Variants in MAGI3 observed in about 807,000 individuals in gnomAD.
MAGI3 encodes membrane-associated guanylate kinase, WW and PDZ domain-containing protein 3.
MAGI3 carries 43 observed loss-of-function variants against 121.8 expected under a neutral mutation model. The observed-to-expected ratio is 0.35, with a 90% confidence interval of 0.28 to 0.46. The LOEUF (loss-of-function observed/expected upper bound fraction) is 0.46, where lower values mean the gene tolerates loss of function less well. MAGI3 is among the 20% of genes least tolerant of loss of function. The pLI is 1.00. For missense variants in MAGI3, 1,547 were observed against 1,797.3 expected, an observed-to-expected ratio of 0.86 and a Z score of 2.52; for synonymous variants, 553 against 639.3, an observed-to-expected ratio of 0.86 and a Z score of 2.04.
At chr1:113,552,032 A>G (rs908596983) in intron 2 of MAGI3, among the ~76,000 whole-genome samples, 1 of 152,038 alleles carries the variant, frequency 6.6e-6, no homozygotes, top group African/African-American at 2.4e-5. Flanking sequence ...AATGTATCCC[A>G]CACTTTGCTG....
chr1:113,641,242 AATGC>A (rs1172531443), intron 9 of MAGI3, among the ~76,000 whole-genome samples: 1 of 148,526 alleles, frequency 6.7e-6, no homozygotes, highest in Non-Finnish European at 1.5e-5. Flanking sequence ...ATTCTTGCTG[AATGC>A]AGGCTGAGGT....
intron 1 of MAGI3, among the ~76,000 whole-genome samples, chr1:113,487,654 A>T (rs1416777509): frequency 6.6e-6 from 1 of 152,124 alleles, no homozygotes; most frequent in Non-Finnish European, 1.5e-5. Flanking sequence ...ATTGAAAATA[A>T]TACATTATAA....
In MAGI3 at chr1:113,681,425, A is replaced by G. The variant is rs980117454; in HGVS notation, c.3328+89A>G. On this transcript the variant is annotated intron_variant, in intron 20 of 20. Coordinates refer to ENST00000307546, the MANE Select transcript of MAGI3 (RefSeq NM_001142782.2). ...GAATATATATTTGGAGAGGATAGATATTTTACTAGTTAATTCAGAGGTGAA... is the reference window on the plus strand; with the variant it reads ...GAATATATATTTGGAGAGGATAGATGTTTTACTAGTTAATTCAGAGGTGAA... 4 of 1,389,056 alleles carry G rather than the reference A, an allele frequency of 2.9e-6. No homozygotes were observed. The South Asian group carries it at 5.7e-5, about 20-fold the overall frequency. The allele number at this position is 1,389,056 out of a possible 1,614,324, so 86.0% of individuals were successfully genotyped here.
intron 1 of MAGI3, among the ~76,000 whole-genome samples, chr1:113,529,654 C>CTATG (rs1191738780): frequency 6.6e-6 from 1 of 152,034 alleles, no homozygotes; most frequent in African/African-American, 2.4e-5. Flanking sequence ...ATCTTGTACT[C>CTATG]CATAGAGGCA....
intron 1 of MAGI3, among the ~76,000 whole-genome samples, chr1:113,456,262 G>A (rs1654752636): frequency 6.6e-6 from 1 of 151,610 alleles, no homozygotes; most frequent in African/African-American, 2.4e-5. Flanking sequence ...ACCACGCCCG[G>A]CCCCATTTTT....
In MAGI3 at chr1:113,527,387, A is replaced by T. The variant is rs542042235; in HGVS notation, c.317-22128A>T. 9.8e-5 allele frequency among the ~76,000 whole-genome samples: 15 copies of T among 152,330 alleles called. No individual in the cohort carries two copies. The South Asian group carries it at 3.1e-3, about 32-fold the overall frequency. ...GGATATCAGTTTGAAAATTACTAGA[A>T]TATAGGTGATAATTAAGCTGTGGAA... On this transcript the variant is annotated intron_variant, in intron 1 of 20. Transcript: ENST00000307546.
intron 1 of MAGI3, among the ~76,000 whole-genome samples, chr1:113,402,421 T>G (rs1462314062): frequency 6.6e-6 from 1 of 152,212 alleles, no homozygotes; most frequent in Non-Finnish European, 1.5e-5. Context: ...AATAGCTGAA[T>G]AGTTAAGTAT....
chr1:113,655,622 A>G (rs537834558), intron 15 of MAGI3, among the ~76,000 whole-genome samples: 59 of 152,062 alleles, frequency 3.9e-4, no homozygotes, highest in Non-Finnish European at 7.4e-4. Flanking sequence ...GGTTTTACCT[A>G]TGGAGATACT....
At chr1:113,466,790 G>T in intron 1 of MAGI3, among the ~76,000 whole-genome samples, 1 of 151,894 alleles carries the variant, frequency 6.6e-6, no homozygotes, top group Non-Finnish European at 1.5e-5. Flanking sequence ...TATTTCTGTG[G>T]TCTGAGTTGT....
chr1:113,440,432 T>G (rs1653853790), intron 1 of MAGI3, among the ~76,000 whole-genome samples: 1 of 152,212 alleles, frequency 6.6e-6, no homozygotes. Context: ...AGGTGTTACA[T>G]TTAAAGCAGA....
In MAGI3 at chr1:113,391,333, C is replaced by G. The variant is rs1476677109; in HGVS notation, c.300C>G (p.Leu100=). ...GCCACTTCCGCGAGCCCATCCGTCT[C>G]AAGACTGTGAAACCAGGTACGCCGG... ...VIRHFREPIR[L]KTVKPGKVIN... Residue 100 remains leucine (L), a synonymous_variant, in exon 1 of 21, where the codon CTC becomes CTG. Transcript: ENST00000307546. This position sits in a 1 kb window ranked among gnomAD's most constrained non-coding sequence, Gnocchi z 4.4. 1.3e-6 allele frequency: 2 copies of G among 1,596,998 alleles called. No individual in the cohort carries two copies. Among genetic ancestry groups the G allele is most frequent in the African/African-American group, 1.3e-5 (1 of 74,398 alleles).
At chr1:113,506,786 GC>G (rs934429336) in intron 1 of MAGI3, among the ~76,000 whole-genome samples, 4 of 152,104 alleles carry the variant, frequency 2.6e-5, no homozygotes, top group African/African-American at 9.7e-5. Flanking sequence ...GAAAGAGGGT[GC>G]TTTTAAAGGG....
intron 1 of MAGI3, among the ~76,000 whole-genome samples, chr1:113,470,741 C>T (rs1489763094): frequency 6.6e-6 from 1 of 152,144 alleles, no homozygotes; most frequent in Non-Finnish European, 1.5e-5. Context: ...CCATTCTACT[C>T]TCTGCTTCTG....
chr1:113,681,595 G>A (rs1421189661), intron 20 of MAGI3, among the ~76,000 whole-genome samples: 1 of 152,170 alleles, frequency 6.6e-6, no homozygotes, highest in Non-Finnish European at 1.5e-5. Flanking sequence ...GTAGAGAAAT[G>A]TACCTATTAA....
chr1:113,483,233 C>T (rs969799778), intron 1 of MAGI3, among the ~76,000 whole-genome samples: 2 of 152,152 alleles, frequency 1.3e-5, no homozygotes, highest in Admixed American at 1.3e-4. Flanking sequence ...TGGGATCTAT[C>T]CGTAGTAACT....
chr1:113,606,693 T>C (rs1649795279), intron 6 of MAGI3, among the ~76,000 whole-genome samples: 1 of 152,170 alleles, frequency 6.6e-6, no homozygotes, highest in Non-Finnish European at 1.5e-5. Flanking sequence ...TTGACATCTT[T>C]CTCCTAATAC....
At position 113,651,267 on chromosome 1, in the gene MAGI3, C is replaced by T. The variant is rs1300773368; in HGVS notation, c.2440+61C>T. 20 of 1,467,764 alleles carry T rather than the reference C, an allele frequency of 1.4e-5. No individual in the cohort carries two copies. The Admixed American group carries it at 4.8e-4, about 35-fold the overall frequency. The allele number at this position is 1,467,764 out of a possible 1,614,324, so 90.9% of individuals were successfully genotyped here. A position where few individuals can be genotyped will look rare whatever the true frequency, so the allele number is the denominator to read the frequency against. On this transcript the variant is annotated intron_variant, in intron 14 of 20. Transcript: ENST00000307546. ...AAGAAACAAAGATACTAGTCTACTT[C>T]CTGTGTAGTTTTGCAGGTTATTTTA...
chr1:113,667,731 A>G (rs184482349), intron 16 of MAGI3, among the ~76,000 whole-genome samples: 97 of 152,312 alleles, frequency 6.4e-4, no homozygotes, highest in African/African-American at 2.2e-3. Context: ...CTTCCTCACT[A>G]AGCTTAATCA....
At chr1:113,469,762 G>A (rs1655456608) in intron 1 of MAGI3, among the ~76,000 whole-genome samples, 1 of 152,030 alleles carries the variant, frequency 6.6e-6, no homozygotes, top group East Asian at 1.9e-4. Context: ...TTGGGATGAA[G>A]CAAAAAGGCA....
Sources: gnomAD v4.1 joint callset for allele counts (sites outside exome capture counted in the v4.1 genomes callset) on GRCh38, gnomAD v4.1.1 for gene constraint, Gnocchi (gnomAD v3.1) non-coding constraint, MANE v1.5 for transcripts, NCBI Gene and HGNC (gene_info 2026-07-23, HGNC 2026-07-21) for gene names.